GRIP2: variants seen among roughly 807,000 people sequenced by gnomAD.
The protein encoded by GRIP2 is glutamate receptor interacting protein 2, also known as glutamate receptor-interacting protein 2.
GRIP2 carries 58 observed loss-of-function variants against 108.3 expected under a neutral mutation model. The observed-to-expected ratio is 0.54, with a 90% CI of 0.43 to 0.67. The LOEUF (loss-of-function observed/expected upper bound fraction) is 0.67, where lower values mean the gene tolerates loss of function less well. GRIP2 is among the 30% of genes least tolerant of loss of function. The pLI is 0.00. For synonymous variants in GRIP2, 586 were observed against 598.2 expected (o/e 0.98, Z 0.30); for missense variants, 1,278 against 1,430.6 (o/e 0.89, Z 1.72).
intron 21 of GRIP2, 137 bp from the exon 22 acceptor site, chr3:14,496,697 G>T: frequency 8.1e-7 from 1 of 1,242,228 alleles, no homozygotes; most frequent in Non-Finnish European, 1.1e-6. Flanking sequence ...TGCCCATTGG[G>T]GCTGGGTCCA....
chr3:14,567,708 G>A, the GRIP2 span, among the ~76,000 whole-genome samples: 1 of 152,220 alleles, frequency 6.6e-6, no homozygotes, highest in South Asian at 2.1e-4. Flanking sequence ...GCATTCAATA[G>A]TGCCCGTCAT....
the GRIP2 span, among the ~76,000 whole-genome samples, chr3:14,566,497 C>A: frequency 1.3e-5 from 2 of 152,262 alleles, no homozygotes; most frequent in African/African-American, 4.8e-5. Flanking sequence ...GCCATTAGAA[C>A]CGCAGCAGAG....
rs912167121 is a variant in GRIP2, at chr3:14,512,685, G to C, written c.1720+92C>G. 20 of 1,261,794 alleles carry C rather than the reference G, an allele frequency of 1.6e-5. No homozygotes were observed. Among genetic ancestry groups the C allele is most frequent in the Non-Finnish European group, 2.1e-5 (19 of 884,706 alleles). 78.2% of individuals were successfully genotyped at this position (1,261,794 alleles called of 1,614,324 possible). ...TTCCTCGGGCCCCGCAGGGTGTCACGCCATGGAAATGCTGGTCTGAGCTTG... is the reference window on the plus strand; with the variant it reads ...TTCCTCGGGCCCCGCAGGGTGTCACCCCATGGAAATGCTGGTCTGAGCTTG... On this transcript the variant is annotated intron_variant, in intron 14 of 23. Transcript: ENST00000621039. The surrounding 1 kb of genome is among the most constrained non-coding windows in gnomAD (Gnocchi z 5.1).
chr3:14,536,976 T>C (rs149242599), intron 1 of GRIP2, among the ~76,000 whole-genome samples: 1 of 152,308 alleles, frequency 6.6e-6, no homozygotes, highest in African/African-American at 2.4e-5. Flanking sequence ...ACACTGCCAC[T>C]TGGGCACTGT....
chr3:14,576,241 C>T, the GRIP2 span, among the ~76,000 whole-genome samples: 29 of 152,226 alleles, frequency 1.9e-4, no homozygotes, highest in Non-Finnish European at 4.0e-4. Flanking sequence ...GAGCCTTCCA[C>T]GCAATTGGCG....
chr3:14,540,332 C>T lies in GRIP2; in HGVS notation c.-24G>A. 6.2e-7 allele frequency: 1 copy of T among 1,613,300 alleles called. No individual in the cohort carries two copies. The highest frequency in any genetic ancestry group is 2.2e-5 in the East Asian group (1 of 44,850). On this transcript the variant is annotated 5_prime_UTR_variant, in exon 1 of 24. Coordinates refer to ENST00000621039, the MANE Select transcript of GRIP2 (RefSeq NM_001080423.4). This position sits in a 1 kb window ranked among gnomAD's most constrained non-coding sequence, Gnocchi z 4.1. Reference sequence around the variant, plus strand: ...ATGTTCGCTATTGTCTCCCCTGCTGCCCACCAACTCCCTCGGGAGCCACGC... The same window carrying T: ...ATGTTCGCTATTGTCTCCCCTGCTGTCCACCAACTCCCTCGGGAGCCACGC...
At chr3:14,596,917 T>A in the GRIP2 span, among the ~76,000 whole-genome samples, 2 of 152,156 alleles carry the variant, frequency 1.3e-5, no homozygotes, top group East Asian at 3.9e-4. Context: ...ATTTTTTAAA[T>A]TTTTTTGTAG....
chr3:14,599,739 G>A, the GRIP2 span, among the ~76,000 whole-genome samples: 1 of 149,150 alleles, frequency 6.7e-6, no homozygotes, highest in Non-Finnish European at 1.5e-5. Flanking sequence ...GTCAGCTCCA[G>A]CTGGTCTCTG....
chr3:14,583,991 G>T, the GRIP2 span, among the ~76,000 whole-genome samples: 1 of 152,340 alleles, frequency 6.6e-6, no homozygotes, highest in East Asian at 1.9e-4. Context: ...ATGGATGCCA[G>T]TTGCTATCCT....
chr3:14,584,742 G>A, the GRIP2 span, among the ~76,000 whole-genome samples: 4 of 152,214 alleles, frequency 2.6e-5, no homozygotes, highest in Non-Finnish European at 4.4e-5. Flanking sequence ...CCTCTCAGAC[G>A]GCAGAGAAGG....
chr3:14,573,612 C>T, the GRIP2 span: 2 of 1,490,872 alleles, frequency 1.3e-6, no homozygotes, highest in Non-Finnish European at 1.9e-6. Context: ...GCCGTTGGTG[C>T]CAATGCAGCA....
the GRIP2 span, among the ~76,000 whole-genome samples, chr3:14,585,305 G>A: frequency 6.6e-6 from 1 of 152,258 alleles, no homozygotes; most frequent in African/African-American, 2.4e-5. Flanking sequence ...ACAGGCGTGA[G>A]CCACCACGCC....
the GRIP2 span, among the ~76,000 whole-genome samples, chr3:14,601,081 C>G: frequency 1.3e-5 from 2 of 151,916 alleles, no homozygotes; most frequent in South Asian, 4.2e-4. Context: ...CACACACACA[C>G]ACACACACAC....
intron 13 of GRIP2, 127 bp downstream of exon 13, chr3:14,513,538 C>T: frequency 7.9e-7 from 1 of 1,266,186 alleles, no homozygotes; most frequent in Non-Finnish European, 1.1e-6. Context: ...AGCTGCAAAG[C>T]CCCTGGGAGA....
chr3:14,496,947 C>T (rs1179776102), intron 21 of GRIP2, among the ~76,000 whole-genome samples: 1 of 149,796 alleles, frequency 6.7e-6, no homozygotes, highest in East Asian at 2.0e-4. Context: ...GAGTCTAGTT[C>T]CAAAGTCAAG....
At chr3:14,567,102 C>T in the GRIP2 span, among the ~76,000 whole-genome samples, 3 of 152,188 alleles carry the variant, frequency 2.0e-5, no homozygotes, top group East Asian at 1.9e-4. Context: ...TGCCCTCAGT[C>T]CTGCTGCTTG....
At chr3:14,571,467 G>A in the GRIP2 span, among the ~76,000 whole-genome samples, 1 of 151,270 alleles carries the variant, frequency 6.6e-6, no homozygotes, top group African/African-American at 2.4e-5. Flanking sequence ...TCCCACCCCC[G>A]CGCACCTCAG....
the GRIP2 span, among the ~76,000 whole-genome samples, chr3:14,602,648 C>T: frequency 6.6e-6 from 1 of 151,874 alleles, no homozygotes; most frequent in South Asian, 2.1e-4. This position sits in a 1 kb window ranked among gnomAD's most constrained non-coding sequence, Gnocchi z 4.7. Context: ...CCCCGGCGGG[C>T]GCCCTGCCCC....
chr3:14,518,476 A>G (rs1206396075), intron 9 of GRIP2, among the ~76,000 whole-genome samples: 4 of 152,094 alleles, frequency 2.6e-5, no homozygotes, highest in Non-Finnish European at 4.4e-5. Flanking sequence ...CCCAGGCTGC[A>G]ACCCTTCCCA....
Sources: allele counts gnomAD v4.1 joint callset (sites outside exome capture counted in the v4.1 genomes callset), GRCh38; gene constraint gnomAD v4.1.1; non-coding constraint Gnocchi (gnomAD v3.1); transcripts MANE v1.5; gene names NCBI Gene and HGNC (gene_info 2026-07-23, HGNC 2026-07-21).